DGKK: variants seen among roughly 807,000 people sequenced by gnomAD.
DGKK encodes the protein 142 kDa diacylglycerol kinase.
DGKK carries 35 observed loss-of-function variants against 92.2 expected under a neutral mutation model. The ratio of observed to expected loss-of-function variants is 0.38; its 90% confidence interval spans 0.29 to 0.50. The LOEUF is 0.50. Among genes scored for constraint, DGKK ranks in the 20% least tolerant of loss-of-function variants. The pLI is 0.92. For missense variants in DGKK, 910 were observed against 992.2 expected, an observed-to-expected ratio of 0.92 and a Z score of 1.11; for synonymous variants, 368 against 360.6, an observed-to-expected ratio of 1.02 and a Z score of -0.23.
At chrX:50,440,256 G>A (rs1420252532) in intron 1 of DGKK, among the ~76,000 whole-genome samples, 11 of 111,715 alleles carry the variant, frequency 9.8e-5, no homozygotes, top group Admixed American at 9.5e-4. Context: ...ATAGCATAAC[G>A]TAATTCTGGG....
chrX:50,416,396 T>C (rs1557228541), intron 4 of DGKK, among the ~76,000 whole-genome samples: 1 of 112,285 alleles, frequency 8.9e-6, no homozygotes, highest in East Asian at 2.8e-4. Flanking sequence ...GCTTATTGAC[T>C]CCAAAGCACT....
At position 50,368,495 on chromosome X, in the gene DGKK, C is replaced by A. The variant is rs1924028681; in HGVS notation, c.*445G>T. On this transcript the variant is annotated 3_prime_UTR_variant, in exon 28 of 28. Transcript: ENST00000611977. ...GATTCGGAGAGACACACAACCAAGTCTGGCTGTCCTGCCTGCCCCCTTCTC... is the reference window on the plus strand; with the variant it reads ...GATTCGGAGAGACACACAACCAAGTATGGCTGTCCTGCCTGCCCCCTTCTC... 1 of 112,521 alleles carries A rather than the reference C, an allele frequency of 8.9e-6. No homozygotes were observed. The highest frequency in any genetic ancestry group is 3.3e-5 in the African/African-American group (1 of 30,598). 9.3% of individuals were successfully genotyped at this position (112,521 alleles called of 1,213,427 possible).
In DGKK at chrX:50,412,573, T is replaced by A. The variant is rs188054000; in HGVS notation, c.942+7830A>T. On this transcript the variant is annotated intron_variant, in intron 4 of 27. Transcript: ENST00000611977. ...CACCAAAAGAACAAAGCTGGAAGCATCACACTTGCTGATTTCAAAACATAG... is the reference window on the plus strand; with the variant it reads ...CACCAAAAGAACAAAGCTGGAAGCAACACACTTGCTGATTTCAAAACATAG... Among the ~76,000 whole-genome samples the A allele has an allele frequency of 1.4e-3, 154 of 112,292 alleles. 2 individuals are homozygous for A. The highest frequency in any genetic ancestry group is 4.9e-3 in the African/African-American group (152 of 30,869).
At chrX:50,429,415 G>A (rs1353525948) in intron 1 of DGKK, among the ~76,000 whole-genome samples, 1 of 112,222 alleles carries the variant, frequency 8.9e-6, no homozygotes, top group African/African-American at 3.2e-5. Context: ...TTCTCGGCCC[G>A]GCGAGCACGC....
chrX:50,410,553 TAGG>T (rs1367152046), intron 4 of DGKK, among the ~76,000 whole-genome samples: 1 of 111,784 alleles, frequency 8.9e-6, no homozygotes, highest in Non-Finnish European at 1.9e-5. Context: ...GATGGTGGAA[TAGG>T]AGTTCTCCAG....
rs1251699245 is a variant in DGKK at position 50,395,682 on chromosome X, A to G, written c.1412-2347T>C. ...AATGGACCTTTAAAAGCCAATCATT[A>G]TGCTCATAATTTGGCTCCTAAAGAT... On this transcript the variant is annotated intron_variant, in intron 8 of 27. Transcript: ENST00000611977. Among the ~76,000 whole-genome samples, 4 of 110,791 alleles carry G rather than the reference A, an allele frequency of 3.6e-5. No homozygotes were observed. The East Asian group carries it at 1.1e-3, about 31-fold the overall frequency.
At chrX:50,460,287 G>T (rs782325886) in intron 1 of DGKK, among the ~76,000 whole-genome samples, 4 of 112,015 alleles carry the variant, frequency 3.6e-5, no homozygotes, top group African/African-American at 9.7e-5. Context: ...GAAGAGAAAA[G>T]GTAGAGACAT....
At position 50,366,344 on chromosome X, in the gene DGKK, A is replaced by T. The variant is rs201691211; in HGVS notation, c.*2596T>A. On this transcript the variant is annotated 3_prime_UTR_variant, in exon 28 of 28. Coordinates refer to ENST00000611977, the MANE Select transcript of DGKK (RefSeq NM_001013742.4). ...TTAGGAGGTAACTGAGGGATTGAGC[A>T]AGCCACACCTGCTCCTGGGCCTTGT... is the stretch of plus-strand genomic sequence containing the variant. The T allele has an allele frequency of 9.0e-6, 1 of 111,638 alleles. No individual in the cohort carries two copies. Among genetic ancestry groups the T allele is most frequent in the East Asian group, 2.8e-4 (1 of 3,539 alleles). 9.2% of individuals were successfully genotyped at this position (111,638 alleles called of 1,213,427 possible).
intron 8 of DGKK, among the ~76,000 whole-genome samples, chrX:50,397,832 C>T (rs1222248805): frequency 1.8e-5 from 2 of 111,571 alleles, no homozygotes; most frequent in East Asian, 5.6e-4. Context: ...ATACAGAGAG[C>T]TCACAGTCTG....
intron 1 of DGKK, among the ~76,000 whole-genome samples, chrX:50,468,413 C>G (rs980480731): frequency 2.7e-5 from 3 of 111,048 alleles, no homozygotes; most frequent in African/African-American, 9.9e-5. Context: ...ATCAATCACC[C>G]GGTGAGGGTG....
chrX:50,389,073 T>C (rs1924622677), intron 12 of DGKK, among the ~76,000 whole-genome samples: 2 of 111,671 alleles, frequency 1.8e-5, no homozygotes, highest in Admixed American at 1.9e-4. Context: ...TTTCATATAA[T>C]CCTCATAACA....
chrX:50,419,223 G>T lies in DGKK; in HGVS notation c.942+1180C>A, dbSNP rs1435434150. Among the ~76,000 whole-genome samples, 81 of 111,435 alleles carry T rather than the reference G, an allele frequency of 7.3e-4. 2 individuals are homozygous for T. Among genetic ancestry groups the T allele is most frequent in the Non-Finnish European group, 5.7e-5 (3 of 53,016 alleles). ...TCTCAATTTAAGCATATATAACATG[G>T]GACTGAGAGAGGCCTTAATGATATT... On this transcript the variant is annotated intron_variant, in intron 4 of 27. Coordinates refer to ENST00000611977, the MANE Select transcript of DGKK (RefSeq NM_001013742.4).
chrX:50,424,111 A>T (rs1557229438), intron 2 of DGKK, 137 bp downstream of exon 2: 1 of 443,391 alleles, frequency 2.3e-6, no homozygotes, highest in Non-Finnish European at 3.7e-6. Context: ...CCAAAAGGGC[A>T]AGTTAAAAAA....
intron 8 of DGKK, among the ~76,000 whole-genome samples, chrX:50,393,653 T>C (rs1924760876): frequency 9.0e-6 from 1 of 111,401 alleles, no homozygotes; most frequent in African/African-American, 3.3e-5. Context: ...TGTTGGAACA[T>C]AAGGAATAAA....
chrX:50,399,982 C>T (rs1557226447), intron 8 of DGKK, among the ~76,000 whole-genome samples: 1 of 111,608 alleles, frequency 9.0e-6, no homozygotes, highest in Non-Finnish European at 1.9e-5. Flanking sequence ...TATTTAGTTG[C>T]CCAAGAAGTT....
chrX:50,415,617 A>T (rs995281192), intron 4 of DGKK, among the ~76,000 whole-genome samples: 3 of 112,230 alleles, frequency 2.7e-5, no homozygotes, highest in Non-Finnish European at 5.6e-5. Context: ...GTTGGAGACC[A>T]TCTGTATTCT....
At chrX:50,420,381 G>A in intron 4 of DGKK, 22 bp downstream of exon 4, 1 of 1,171,665 alleles carries the variant, frequency 8.5e-7, no homozygotes, top group South Asian at 1.8e-5. Context: ...GAATTGTGTG[G>A]CTTCTCTACT....
At chrX:50,465,637 T>A (rs983365964) in intron 1 of DGKK, among the ~76,000 whole-genome samples, 8 of 111,013 alleles carry the variant, frequency 7.2e-5, no homozygotes, top group Admixed American at 9.6e-5. Context: ...GCTCCTCTTC[T>A]ATGCTGGCCC....
At chrX:50,461,430 C>T (rs1375805827) in intron 1 of DGKK, among the ~76,000 whole-genome samples, 1 of 112,132 alleles carries the variant, frequency 8.9e-6, no homozygotes, top group African/African-American at 3.2e-5. Flanking sequence ...AAAATATTAA[C>T]AGTGATTATC....
Sources: gnomAD v4.1 joint callset for allele counts (sites outside exome capture counted in the v4.1 genomes callset) on GRCh38, gnomAD v4.1.1 for gene constraint, MANE v1.5 for transcripts, NCBI Gene and HGNC (gene_info 2026-07-23, HGNC 2026-07-21) for gene names.